Variants in GPC3 observed in about 807,000 individuals in gnomAD.
GPC3 encodes glypican-3.
GPC3 carries 3 observed loss-of-function variants against 34.4 expected under a neutral mutation model. That is an observed-to-expected ratio of 0.09 (90% CI 0.04 to 0.23). The LOEUF (loss-of-function observed/expected upper bound fraction) is 0.23, where lower values mean the gene tolerates loss of function less well. Ranked by LOEUF, GPC3 falls within the 10% of genes least tolerant of loss-of-function variation. The pLI is 1.00. For missense variants in GPC3, 351 were observed against 445.6 expected, an observed-to-expected ratio of 0.79 and a Z score of 1.91; for synonymous variants, 177 against 174.0, an observed-to-expected ratio of 1.02 and a Z score of -0.13.
At chrX:133,702,192 A>G (rs925025466) in intron 3 of GPC3, among the ~76,000 whole-genome samples, 3 of 112,086 alleles carry the variant, frequency 2.7e-5, no homozygotes, top group African/African-American at 9.7e-5. Context: ...TTCAAAGCAT[A>G]TAATGCAGAT....
At chrX:133,731,348 T>G (rs930059970) in intron 3 of GPC3, among the ~76,000 whole-genome samples, 2 of 112,926 alleles carry the variant, frequency 1.8e-5, no homozygotes, top group Non-Finnish European at 3.7e-5. Context: ...ATTTCTAGAC[T>G]TAAGCATTTC....
At position 133,877,830 on chromosome X, in the gene GPC3, C is replaced by G. The variant is rs1170248999; in HGVS notation, c.337+75220G>C. Among the ~76,000 whole-genome samples the G allele has an allele frequency of 3.8e-4, 42 of 111,772 alleles. 1 individual carries two copies. In the Admixed American group the frequency reaches 4.0e-3, roughly 11 times the overall value. ...ATAGTGGGAAAAGCGAGTTTCAAAG[C>G]AGTACATATTACATAATGCAGACTA... On this transcript the variant is annotated intron_variant, in intron 2 of 7. Transcript: ENST00000370818.
chrX:133,936,457 G>A (rs181105022), intron 2 of GPC3, among the ~76,000 whole-genome samples: 56 of 110,637 alleles, frequency 5.1e-4, no homozygotes, highest in Non-Finnish European at 8.1e-4. Context: ...TTTTCCACAC[G>A]TGCCTAAACC....
chrX:133,814,274 G>A (rs2075678731), intron 2 of GPC3, among the ~76,000 whole-genome samples: 1 of 111,175 alleles, frequency 9.0e-6, no homozygotes, highest in African/African-American at 3.3e-5. Flanking sequence ...TCCCCCTTCA[G>A]CAAAGGGAGT....
intron 2 of GPC3, among the ~76,000 whole-genome samples, chrX:133,898,955 G>A (rs895307512): frequency 1.8e-5 from 2 of 111,847 alleles, no homozygotes; most frequent in African/African-American, 6.5e-5. Context: ...CTGTCTATAA[G>A]CAGTTGGCCT....
At chrX:133,736,629 T>C (rs917765876) in intron 3 of GPC3, among the ~76,000 whole-genome samples, 4 of 112,404 alleles carry the variant, frequency 3.6e-5, no homozygotes, top group Non-Finnish European at 5.6e-5. Context: ...AAAGGCCATA[T>C]ATTTTATGAT....
intron 2 of GPC3, among the ~76,000 whole-genome samples, chrX:133,799,363 G>A (rs2075597743): frequency 9.0e-6 from 1 of 111,465 alleles, no homozygotes; most frequent in South Asian, 3.9e-4. Flanking sequence ...CAGCACTCCA[G>A]CCTGGGTGAC....
chrX:133,672,606 T>C (rs2070838859), intron 5 of GPC3, among the ~76,000 whole-genome samples: 1 of 112,467 alleles, frequency 8.9e-6, no homozygotes, highest in Non-Finnish European at 1.9e-5. Flanking sequence ...TTTCTTGTCC[T>C]ACTCAAGCTA....
At chrX:133,855,460 C>T (rs745557654) in intron 2 of GPC3, among the ~76,000 whole-genome samples, 1 of 107,504 alleles carries the variant, frequency 9.3e-6, no homozygotes, top group South Asian at 4.1e-4. Context: ...GCTACTGTAC[C>T]CAGCCAGATT....
At chrX:133,629,742 A>C (rs2070346380) in intron 6 of GPC3, among the ~76,000 whole-genome samples, 1 of 109,060 alleles carries the variant, frequency 9.2e-6, no homozygotes, top group Non-Finnish European at 1.9e-5. Flanking sequence ...AGGGGAAATT[A>C]TTTTGGAATG....
chrX:133,546,422 A>C lies in GPC3; in HGVS notation c.1574-10129T>G, dbSNP rs192684732. Among the ~76,000 whole-genome samples, 629 of 110,785 alleles carry C rather than the reference A, an allele frequency of 5.7e-3. 6 individuals carry two copies. Among genetic ancestry groups the C allele is most frequent in the African/African-American group, 0.019 (590 of 30,570 alleles). On this transcript the variant is annotated intron_variant, in intron 7 of 7. Transcript: ENST00000370818. Reference sequence around the variant, plus strand: ...TTAAAAAAAAAAAACTTAAAAAAAAACCATTATAGTAAGTGAAAGAAGCCA... The same window carrying C: ...TTAAAAAAAAAAAACTTAAAAAAAACCCATTATAGTAAGTGAAAGAAGCCA...
intron 2 of GPC3, among the ~76,000 whole-genome samples, chrX:133,851,853 A>G (rs2075875261): frequency 8.9e-6 from 1 of 112,266 alleles, no homozygotes; most frequent in African/African-American, 3.2e-5. Flanking sequence ...GCTCATATCA[A>G]TTGGGCATAA....
Position 133,565,979 on chromosome X carries a change from A to G in GPC3, c.1574-29686T>C, listed in dbSNP as rs113453913. 2.0e-3 allele frequency among the ~76,000 whole-genome samples: 225 copies of G among 112,579 alleles called. 1 individual carries two copies. Among genetic ancestry groups the G allele is most frequent in the African/African-American group, 6.9e-3 (216 of 31,100 alleles). ...TTACCTCCCCAACAAAGTTGCCAAG[A>G]GAATTAAATGACAGTGTTTATGTAA... On this transcript the variant is annotated intron_variant, in intron 7 of 7. Coordinates refer to ENST00000370818, the MANE Select transcript of GPC3 (RefSeq NM_004484.4).
rs138455425 is a variant in GPC3, at chrX:133,918,611, G to T, written c.337+34439C>A. On this transcript the variant is annotated intron_variant, in intron 2 of 7. Transcript: ENST00000370818. Reference sequence around the variant, plus strand: ...CCTTTTAATATATTTTGAATAGTGAGATTTATCTCCCAACTTGATCCTTTC... The same window carrying T: ...CCTTTTAATATATTTTGAATAGTGATATTTATCTCCCAACTTGATCCTTTC... Among the ~76,000 whole-genome samples, 246 of 111,987 alleles carry T rather than the reference G, an allele frequency of 2.2e-3. 2 individuals are homozygous for T. The highest frequency in any genetic ancestry group is 3.9e-3 in the Non-Finnish European group (207 of 53,229).
chrX:133,648,112 A>G (rs754107357), intron 6 of GPC3, among the ~76,000 whole-genome samples: 9 of 112,292 alleles, frequency 8.0e-5, no homozygotes, highest in Admixed American at 1.9e-4. Context: ...CTAATGGCCA[A>G]AAGATGATTA....
At chrX:133,682,133 C>G (rs752455242) in intron 5 of GPC3, among the ~76,000 whole-genome samples, 1 of 111,524 alleles carries the variant, frequency 9.0e-6, no homozygotes, top group Admixed American at 9.5e-5. Flanking sequence ...CCCATAATCT[C>G]GGCTACCTAG....
intron 2 of GPC3, among the ~76,000 whole-genome samples, chrX:133,794,463 C>T (rs771114153): frequency 8.9e-6 from 1 of 111,760 alleles, no homozygotes; most frequent in Non-Finnish European, 1.9e-5. Context: ...AAATATACAA[C>T]GTTAACACCA....
chrX:133,887,610 T>C (rs1271954123), intron 2 of GPC3, among the ~76,000 whole-genome samples: 8 of 112,248 alleles, frequency 7.1e-5, no homozygotes, highest in Non-Finnish European at 1.9e-5. Context: ...ATTATTGGAA[T>C]GCTAAGCTTG....
intron 6 of GPC3, among the ~76,000 whole-genome samples, chrX:133,618,699 TCA>T (rs1491441796): frequency 5.6e-5 from 3 of 53,321 alleles, no homozygotes; most frequent in African/African-American, 2.5e-4. Context: ...AGACACTGTA[TCA>T]AAAAAAAAAA....
Sources: gnomAD v4.1 joint callset for allele counts (sites outside exome capture counted in the v4.1 genomes callset) on GRCh38, gnomAD v4.1.1 for gene constraint, MANE v1.5 for transcripts, NCBI Gene and HGNC (gene_info 2026-07-23, HGNC 2026-07-21) for gene names.